The following SLC9A9 variants were observed in gnomAD, a reference collection of about 807,000 sequenced individuals.
The protein encoded by SLC9A9 is sodium/hydrogen exchanger 9.
SLC9A9 carries 62 observed loss-of-function variants against 77.8 expected under a neutral mutation model. The observed-to-expected ratio is 0.80, with a 90% CI of 0.65 to 0.98. The LOEUF (loss-of-function observed/expected upper bound fraction) is 0.98, where lower values mean the gene tolerates loss of function less well. SLC9A9 is among the 50% of genes least tolerant of loss of function. The pLI, the probability that SLC9A9 is intolerant of heterozygous loss-of-function variation, is 0.00. For missense variants in SLC9A9, 775 were observed against 774.9 expected (o/e 1.00, Z 0.00); for synonymous variants, 320 against 283.5 (o/e 1.13, Z -1.29).
chr3:143,738,255 A>G (rs897650619), intron 4 of SLC9A9, among the ~76,000 whole-genome samples: 71 of 152,268 alleles, frequency 4.7e-4, no homozygotes, highest in African/African-American at 1.6e-3. Flanking sequence ...CCTTCCAGCC[A>G]CATGCCACAG....
At chr3:143,778,919 A>G (rs1273447807) in intron 4 of SLC9A9, among the ~76,000 whole-genome samples, 1 of 152,202 alleles carries the variant, frequency 6.6e-6, no homozygotes, top group Non-Finnish European at 1.5e-5. Context: ...AATTTTCTCT[A>G]GAGATTACCC....
At chr3:143,654,549 G>A (rs2038856159) in intron 5 of SLC9A9, among the ~76,000 whole-genome samples, 1 of 152,222 alleles carries the variant, frequency 6.6e-6, no homozygotes, top group Non-Finnish European at 1.5e-5. Flanking sequence ...TTTGGATAGA[G>A]TTAAGACACT....
At chr3:143,802,500 GAC>G (rs2008591132) in intron 2 of SLC9A9, among the ~76,000 whole-genome samples, 1 of 152,174 alleles carries the variant, frequency 6.6e-6, no homozygotes, top group African/African-American at 2.4e-5. Context: ...GGTCTGGGTA[GAC>G]ACTTTCACTG....
At chr3:143,393,184 A>T (rs1203790905) in intron 12 of SLC9A9, among the ~76,000 whole-genome samples, 2 of 152,330 alleles carry the variant, frequency 1.3e-5, no homozygotes, top group South Asian at 2.1e-4. Context: ...AAAATTGACC[A>T]CATAGTTGGA....
intron 5 of SLC9A9, among the ~76,000 whole-genome samples, chr3:143,690,039 A>G (rs927194327): frequency 2.8e-4 from 42 of 152,068 alleles, no homozygotes; most frequent in African/African-American, 8.9e-4. Context: ...TCAACCACAC[A>G]GAGAAATTAT....
intron 5 of SLC9A9, among the ~76,000 whole-genome samples, chr3:143,662,029 T>C (rs752321225): frequency 5.9e-5 from 9 of 152,218 alleles, no homozygotes; most frequent in South Asian, 4.1e-4. Context: ...CCACAAACTT[T>C]ATGTTTATAT....
intron 5 of SLC9A9, among the ~76,000 whole-genome samples, chr3:143,656,449 C>T (rs889254455): frequency 6.6e-6 from 1 of 152,028 alleles, no homozygotes; most frequent in African/African-American, 2.4e-5. Flanking sequence ...TTTTTTTAAA[C>T]TGCTGTCTTT....
At chr3:143,297,797 G>A (rs567893446) in intron 14 of SLC9A9, among the ~76,000 whole-genome samples, 5 of 152,132 alleles carry the variant, frequency 3.3e-5, no homozygotes, top group South Asian at 2.1e-4. Flanking sequence ...TTTTGTTGTC[G>A]TATAGAAACA....
intron 4 of SLC9A9, among the ~76,000 whole-genome samples, chr3:143,750,443 T>C (rs1441259998): frequency 3.9e-5 from 6 of 152,154 alleles, no homozygotes; most frequent in Non-Finnish European, 8.8e-5. Context: ...TCTTTCACAA[T>C]AGAGCTAAAA....
chr3:143,436,393 T>C lies in SLC9A9; in HGVS notation c.1469+30644A>G, dbSNP rs564152693. The stretch of plus-strand genomic sequence containing the variant: ...ACTAGGAGGCCCTGTTGCTCATCAC[T>C]GCTCACAAAACATTTTGAGGCCTTC... On this transcript the variant is annotated intron_variant, in intron 12 of 15. Coordinates refer to ENST00000316549, the MANE Select transcript of SLC9A9 (RefSeq NM_173653.4). 2.6e-4 allele frequency among the ~76,000 whole-genome samples: 40 copies of C among 152,326 alleles called. 3 individuals carry two copies. In the South Asian group the frequency reaches 8.3e-3, roughly 32 times the overall value.
chr3:143,653,810 C>T (rs1246815430), intron 5 of SLC9A9, among the ~76,000 whole-genome samples: 1 of 152,132 alleles, frequency 6.6e-6, no homozygotes, highest in Non-Finnish European at 1.5e-5. Context: ...GTTCACTGTC[C>T]TGGGTTCTAA....
intron 6 of SLC9A9, among the ~76,000 whole-genome samples, chr3:143,649,355 A>T (rs1052445828): frequency 1.9e-4 from 29 of 152,230 alleles, no homozygotes; most frequent in African/African-American, 6.5e-4. Context: ...TGGGTTAGGG[A>T]CAAGCTAACT....
intron 9 of SLC9A9, among the ~76,000 whole-genome samples, chr3:143,507,164 C>T (rs1444508769): frequency 6.6e-6 from 1 of 151,666 alleles, no homozygotes; most frequent in African/African-American, 2.4e-5. Flanking sequence ...CCTCCTATCC[C>T]GACACATGTA....
At chr3:143,606,428 C>CTA (rs1473173290) in intron 6 of SLC9A9, among the ~76,000 whole-genome samples, 25 of 69,900 alleles carry the variant, frequency 3.6e-4, no homozygotes, top group South Asian at 1.0e-3. Context: ...CTCTCTCTCT[C>CTA]TCTCTCTCTA....
At chr3:143,813,254 TCATG>T (rs2008917138) in intron 2 of SLC9A9, among the ~76,000 whole-genome samples, 1 of 152,130 alleles carries the variant, frequency 6.6e-6, no homozygotes, top group Non-Finnish European at 1.5e-5. Context: ...ATGAAGGTGC[TCATG>T]GCTGAAGACA....
intron 2 of SLC9A9, among the ~76,000 whole-genome samples, chr3:143,797,528 CCAAA>C (rs2008419990): frequency 6.6e-6 from 1 of 152,028 alleles, no homozygotes; most frequent in Non-Finnish European, 1.5e-5. Flanking sequence ...TGAAGAATCA[CCAAA>C]GAAGTGAAAA....
At chr3:143,357,284 C>T (rs1344354495) in intron 14 of SLC9A9, among the ~76,000 whole-genome samples, 1 of 152,124 alleles carries the variant, frequency 6.6e-6, no homozygotes, top group Non-Finnish European at 1.5e-5. Context: ...GTCTTCCTTT[C>T]CTATGCTAGG....
intron 2 of SLC9A9, among the ~76,000 whole-genome samples, chr3:143,805,013 A>G (rs11919889): frequency 0.16 from 25,053 of 152,066 alleles, 2,171 homozygotes; most frequent in South Asian, 0.29. Flanking sequence ...ACCTAAATCA[A>G]TCTGGCCTGG....
intron 2 of SLC9A9, among the ~76,000 whole-genome samples, chr3:143,827,501 A>C (rs2009330310): frequency 6.6e-6 from 1 of 152,202 alleles, no homozygotes; most frequent in Non-Finnish European, 1.5e-5. Context: ...TATATGTTTA[A>C]ACATGGCATA....
Sources: allele counts gnomAD v4.1 joint callset (sites outside exome capture counted in the v4.1 genomes callset), GRCh38; gene constraint gnomAD v4.1.1; transcripts MANE v1.5; gene names NCBI Gene and HGNC (gene_info 2026-07-23, HGNC 2026-07-21).